Variants in TBC1D14 observed in about 807,000 individuals in gnomAD.
The protein encoded by TBC1D14 is TBC1 domain family, member 14.
A neutral mutation model predicts 79.0 loss-of-function variants in TBC1D14; 26 were observed. The observed-to-expected ratio is 0.33, with a 90% CI of 0.24 to 0.46. The LOEUF is 0.46. TBC1D14 is among the 20% of genes least tolerant of loss of function. The pLI is 1.00. For synonymous variants in TBC1D14, 394 were observed against 349.9 expected, an observed-to-expected ratio of 1.13 and a Z score of -1.40; for missense variants, 769 against 887.6, an observed-to-expected ratio of 0.87 and a Z score of 1.70.
At chr4:6,963,003 G>T (rs1715367854) in intron 2 of TBC1D14, among the ~76,000 whole-genome samples, 1 of 152,200 alleles carries the variant, frequency 6.6e-6, no homozygotes, top group Non-Finnish European at 1.5e-5. Flanking sequence ...CCTGCCCTCT[G>T]GGAGACCCCA....
At chr4:6,973,068 C>T (rs986487974) in intron 3 of TBC1D14, among the ~76,000 whole-genome samples, 41 of 152,212 alleles carry the variant, frequency 2.7e-4, no homozygotes, top group African/African-American at 7.9e-4. Flanking sequence ...GAAAGATAGC[C>T]GCAGGGAGGA....
intron 3 of TBC1D14, among the ~76,000 whole-genome samples, chr4:6,976,002 A>G (rs942783654): frequency 6.6e-6 from 1 of 152,228 alleles, no homozygotes; most frequent in African/African-American, 2.4e-5. Flanking sequence ...CTGAGACAGG[A>G]GAATCACTTG....
intron 5 of TBC1D14, among the ~76,000 whole-genome samples, chr4:6,998,270 G>A (rs1323301039): frequency 6.6e-6 from 1 of 151,334 alleles, no homozygotes; most frequent in Admixed American, 6.6e-5. Context: ...TAAGGCAGGA[G>A]AATTGCTTGA....
chr4:6,944,770 C>T (rs1036620158), intron 2 of TBC1D14, among the ~76,000 whole-genome samples: 2 of 152,214 alleles, frequency 1.3e-5, no homozygotes, highest in Non-Finnish European at 2.9e-5. Context: ...ACTGGTTCCA[C>T]GGGACTGGCT....
intron 3 of TBC1D14, among the ~76,000 whole-genome samples, chr4:6,991,731 G>A (rs951561104): frequency 2.0e-5 from 3 of 151,786 alleles, no homozygotes; most frequent in Admixed American, 2.0e-4. Flanking sequence ...ATGGTCTAGG[G>A]TGGAGCAGCC....
At position 6,928,715 on chromosome 4, in the gene TBC1D14, C is replaced by T. The variant is rs183454585; in HGVS notation, c.722+4604C>T. ...GGGTTTCTGTATCCTGCACTGAAAG[C>T]TGACTAATTCAAGTAAGTACCGTGA... On this transcript the variant is annotated intron_variant, in intron 2 of 13. Coordinates refer to ENST00000409757, the MANE Select transcript of TBC1D14 (RefSeq NM_020773.3). Among the ~76,000 whole-genome samples, 68 of 152,226 alleles carry T rather than the reference C, an allele frequency of 4.5e-4. 1 individual carries two copies. In the East Asian group the frequency reaches 0.013, roughly 28 times the overall value.
chr4:6,977,089 CCACTG>C (rs1326216767), intron 3 of TBC1D14, among the ~76,000 whole-genome samples: 2 of 19,464 alleles, frequency 1.0e-4, no homozygotes, highest in Non-Finnish European at 3.5e-4. Flanking sequence ...CTCCCTCTCC[CCACTG>C]TCTCCCTCTC....
chr4:6,925,891 C>A (rs532319265), intron 2 of TBC1D14, among the ~76,000 whole-genome samples: 11 of 152,174 alleles, frequency 7.2e-5, no homozygotes, highest in Non-Finnish European at 1.5e-4. Context: ...TCCAGACATA[C>A]AGAATCAGAA....
In TBC1D14 at chr4:6,954,687, G is replaced by A. The variant is rs931399273; in HGVS notation, c.723-12617G>A. ...ACGATCTTGGCTCACTGCAGCCTCC[G>A]CCTCCCAGGTTCACGCGATTCTCCT... On this transcript the variant is annotated intron_variant, in intron 2 of 13. Transcript: ENST00000409757. 2.2e-4 allele frequency among the ~76,000 whole-genome samples: 33 copies of A among 152,162 alleles called. 1 individual carries two copies. Among genetic ancestry groups the A allele is most frequent in the Admixed American group, 1.8e-3 (28 of 15,272 alleles).
At chr4:7,009,676 G>A (rs1041517891) in intron 9 of TBC1D14, among the ~76,000 whole-genome samples, 3 of 152,208 alleles carry the variant, frequency 2.0e-5, no homozygotes, top group African/African-American at 7.2e-5. Flanking sequence ...GTTACATAGC[G>A]TGAGCTGCAG....
In TBC1D14 at chr4:7,030,352, G is replaced by C; in HGVS notation, c.2042G>C (p.Ser681Thr). Residue 681 changes from serine to threonine, a missense_variant, in exon 14 of 14, where the codon AGC becomes ACC. Ser to Thr is a moderately conservative substitution (Grantham distance 58). This residue lies in a region of TBC1D14 where 367 missense variants were observed against 494.4 expected (regional missense o/e 0.74). Transcript: ENST00000409757. ...AQVLTALQKD[S>T]REMEKGSPSL... Reference sequence around the variant, plus strand: ...GTACTGACTGCATTGCAGAAAGACAGCCGGGAAATGGAGAAGGGAAGTCCG... The same window carrying C: ...GTACTGACTGCATTGCAGAAAGACACCCGGGAAATGGAGAAGGGAAGTCCG... 2 of 1,614,080 alleles carry C rather than the reference G, an allele frequency of 1.2e-6. No homozygotes were observed. The highest frequency in any genetic ancestry group is 1.7e-6 in the Non-Finnish European group (2 of 1,179,938).
In TBC1D14 at chr4:7,014,517, A is replaced by C. The variant is rs1199764196; in HGVS notation, c.1717A>C (p.Lys573Gln). Residue 573 changes from lysine (K) to glutamine (Q), a missense_variant, in exon 12 of 14, where the codon AAG becomes CAG. Around this residue, in one of 2 missense-constraint regions of TBC1D14, gnomAD observed 367 missense variants for 494.4 expected, o/e 0.74. Transcript: ENST00000409757. ...TTTGCCGAAATTATTTGCGCATTTCAAGAAGAACAACCTAACTCCAGATAT... is the reference window on the plus strand; with the variant it reads ...TTTGCCGAAATTATTTGCGCATTTCCAGAAGAACAACCTAACTCCAGATAT... ...ENLPKLFAHF[K>Q]KNNLTPDIYL... 1 of 1,614,024 alleles carries C rather than the reference A, an allele frequency of 6.2e-7. No individual in the cohort carries two copies. Among genetic ancestry groups the C allele is most frequent in the Non-Finnish European group, 8.5e-7 (1 of 1,179,926 alleles).
At position 6,923,868 on chromosome 4, in the gene TBC1D14, C is replaced by G; in HGVS notation, c.479C>G (p.Ser160Cys). The change falls in exon 2 of 14, where the codon TCC (serine) becomes TGC (cysteine). Residue 160 changes from serine to cysteine, a missense_variant. Coordinates refer to ENST00000409757, the MANE Select transcript of TBC1D14 (RefSeq NM_020773.3). ...GATGATGTCTCCGTCTGCAGCGTGTCCAGTCTTGGGACAGAGCTGTCCACC... is the reference window on the plus strand; with the variant it reads ...GATGATGTCTCCGTCTGCAGCGTGTGCAGTCTTGGGACAGAGCTGTCCACC... Reference protein sequence around the residue: ...RSDDVSVCSVSSLGTELSTTL... With the variant: ...RSDDVSVCSVCSLGTELSTTL... 1 of 1,614,176 alleles carries G rather than the reference C, an allele frequency of 6.2e-7. No individual in the cohort carries two copies.
At chr4:6,998,872 G>A (rs1719360680) in intron 5 of TBC1D14, 1 of 536,400 alleles carries the variant, frequency 1.9e-6, no homozygotes, top group Non-Finnish European at 3.4e-6. Flanking sequence ...GTACTTTCCT[G>A]TCTAGATGTT....
At chr4:6,917,484 A>G (rs1286032092) in intron 1 of TBC1D14, among the ~76,000 whole-genome samples, 1 of 152,046 alleles carries the variant, frequency 6.6e-6, no homozygotes, top group Non-Finnish European at 1.5e-5. Context: ...CTTTGAAAGC[A>G]CCAATTGAGT....
chr4:6,933,030 C>T lies in TBC1D14; in HGVS notation c.722+8919C>T, dbSNP rs75953262. On this transcript the variant is annotated intron_variant, in intron 2 of 13. Transcript: ENST00000409757. Reference sequence around the variant, plus strand: ...GCTCGTTGTGGCTATAAACTGAGCTCATCATTTCCCTGATTGCTGTCAGCT... The same window carrying T: ...GCTCGTTGTGGCTATAAACTGAGCTTATCATTTCCCTGATTGCTGTCAGCT... 3.9e-4 allele frequency among the ~76,000 whole-genome samples: 59 copies of T among 152,118 alleles called. No individual in the cohort carries two copies. The East Asian group carries it at 0.011, about 28-fold the overall frequency.
chr4:7,025,219 T>C lies in TBC1D14; in HGVS notation c.1973T>C (p.Ile658Thr), dbSNP rs1169394866. 2 of 1,614,120 alleles carry C rather than the reference T, an allele frequency of 1.2e-6. No homozygotes were observed. Residue 658 changes from isoleucine (I) to threonine (T), a missense_variant, in exon 13 of 14, where the codon ATC (isoleucine) becomes ACC (threonine). Physicochemically the swap from Ile to Thr is moderately conservative, Grantham distance 89. Around this residue, in one of 2 missense-constraint regions of TBC1D14, gnomAD observed 367 missense variants for 494.4 expected, o/e 0.74. Transcript: ENST00000409757. ...DLPAEELFAS[I>T]ATIQMQSRNK... ...CCCGCCGAGGAGCTGTTTGCCTCCA[T>C]CGCCACGATCCAGATGCAGAGCCGA...
intron 3 of TBC1D14, among the ~76,000 whole-genome samples, chr4:6,968,670 C>T (rs200433831): frequency 4.8e-5 from 3 of 62,090 alleles, no homozygotes; most frequent in South Asian, 7.8e-4. Flanking sequence ...GGAGGCTGAC[C>T]GCCGGGAGGA....
At chr4:6,935,495 C>T (rs1243704008) in intron 2 of TBC1D14, among the ~76,000 whole-genome samples, 2 of 152,024 alleles carry the variant, frequency 1.3e-5, no homozygotes, top group Non-Finnish European at 2.9e-5. Flanking sequence ...GGTGCTTGCT[C>T]TTGCAGGCAC....
Sources: allele counts gnomAD v4.1 joint callset (sites outside exome capture counted in the v4.1 genomes callset), GRCh38; gene constraint gnomAD v4.1.1; regional missense constraint gnomAD v4.1.1; transcripts MANE v1.5; gene names NCBI Gene and HGNC (gene_info 2026-07-23, HGNC 2026-07-21).